The following TOGARAM2 variants were observed in gnomAD, a reference collection of about 807,000 sequenced individuals.
TOGARAM2 encodes TOG array regulator of axonemal microtubules 2, also known as TOG array regulator of axonemal microtubules protein 2.
In TOGARAM2, 85 loss-of-function variants were observed where a neutral mutation model predicts 93.3. The observed-to-expected ratio is 0.91, with a 90% CI of 0.76 to 1.09. The LOEUF is 1.09. TOGARAM2 is among the 50% of genes least tolerant of loss of function. TOGARAM2 has a pLI of 0.00. For synonymous variants in TOGARAM2, 593 were observed against 552.8 expected, an observed-to-expected ratio of 1.07 and a Z score of -1.02; for missense variants, 1,277 against 1,334.5, an observed-to-expected ratio of 0.96 and a Z score of 0.67.
intron 6 of TOGARAM2, among the ~76,000 whole-genome samples, chr2:29,005,834 GTA>G (rs1233435557): frequency 3.8e-5 from 5 of 132,426 alleles, no homozygotes; most frequent in Admixed American, 7.2e-5. Context: ...GTGTGCATGT[GTA>G]TGTGTCAGTG....
chr2:29,035,594 G>T lies in TOGARAM2; in HGVS notation c.2356G>T (p.Val786Leu), dbSNP rs757227797. The change falls in exon 17 of 20, where the codon GTG becomes TTG. Residue 786 changes from valine to leucine, a missense_variant. Coordinates refer to ENST00000379558, the MANE Select transcript of TOGARAM2 (RefSeq NM_199280.4). ...AKDFRSRMEGVGQLLELCKAK... is the reference protein window; with the variant it reads ...AKDFRSRMEGLGQLLELCKAK... ...GGACTTCCGGTCCCGGATGGAAGGCGTGGGGCAGCTCCTGGAGCTCTGCAA... is the reference window on the plus strand; with the variant it reads ...GGACTTCCGGTCCCGGATGGAAGGCTTGGGGCAGCTCCTGGAGCTCTGCAA... 32 of 1,587,632 alleles carry T rather than the reference G, an allele frequency of 2.0e-5. No homozygotes were observed. In the East Asian group the frequency reaches 7.0e-4, roughly 35 times the overall value.
chr2:29,023,610 G>A (rs1665119508), intron 12 of TOGARAM2, among the ~76,000 whole-genome samples: 1 of 152,180 alleles, frequency 6.6e-6, no homozygotes, highest in African/African-American at 2.4e-5. Flanking sequence ...TGTGGAGGCT[G>A]TGCCCTGCCC....
chr2:29,005,956 T>C (rs1204491744), intron 6 of TOGARAM2, among the ~76,000 whole-genome samples: 2 of 138,254 alleles, frequency 1.4e-5, no homozygotes, highest in Non-Finnish European at 1.6e-5. Flanking sequence ...TGTGTGCATA[T>C]GTGTATTTGT....
At chr2:29,047,195 GC>G (rs1188761341) in intron 19 of TOGARAM2, 1 of 152,666 alleles carries the variant, frequency 6.6e-6, no homozygotes, top group Non-Finnish European at 1.5e-5. Flanking sequence ...TGCGAGTGAG[GC>G]AGGGCTGGCT....
chr2:28,968,859 C>A (rs1053855106), intron 1 of TOGARAM2, among the ~76,000 whole-genome samples: 1 of 136,960 alleles, frequency 7.3e-6, no homozygotes, highest in Non-Finnish European at 1.6e-5. Context: ...AAGAAAAAAG[C>A]GCATGCCGAA....
At chr2:28,967,042 A>G (rs1333922144) in intron 1 of TOGARAM2, among the ~76,000 whole-genome samples, 1 of 152,244 alleles carries the variant, frequency 6.6e-6, no homozygotes, top group African/African-American at 2.4e-5. Flanking sequence ...ATTTCATTAG[A>G]AAAAAGGAAA....
intron 1 of TOGARAM2, among the ~76,000 whole-genome samples, chr2:28,973,228 A>G (rs1477984132): frequency 6.6e-6 from 1 of 152,146 alleles, no homozygotes; most frequent in African/African-American, 2.4e-5. Flanking sequence ...CCGAGGCTCT[A>G]TCCAGATGGC....
chr2:28,961,410 C>T (rs1185888365), intron 1 of TOGARAM2, among the ~76,000 whole-genome samples: 2 of 152,214 alleles, frequency 1.3e-5, no homozygotes, highest in South Asian at 2.1e-4. Context: ...AACGCAAACT[C>T]GGCTCACAGC....
At chr2:29,017,401 T>A in intron 9 of TOGARAM2, 97 bp downstream of exon 9, 1 of 1,141,262 alleles carries the variant, frequency 8.8e-7, no homozygotes, top group Non-Finnish European at 1.2e-6. Flanking sequence ...TTAAAATTTT[T>A]ATTAGTATTT....
At chr2:28,979,846 C>T (rs570445801), upstream of TOGARAM2, among the ~76,000 whole-genome samples, 6 of 152,260 alleles carry the variant, frequency 3.9e-5, no homozygotes, top group East Asian at 1.9e-4. Flanking sequence ...CTAGAAGCTC[C>T]GACTCAAGCA....
At chr2:28,996,799 C>CAAAAAA (rs1170607481) in intron 2 of TOGARAM2, among the ~76,000 whole-genome samples, 21 of 40,662 alleles carry the variant, frequency 5.2e-4, no homozygotes, top group East Asian at 9.6e-4. Context: ...GACTCCATCT[C>CAAAAAA]AAAAAAAAAA....
chr2:29,011,272 C>T (rs1390252480), intron 6 of TOGARAM2, among the ~76,000 whole-genome samples, 183 bp from the exon 7 acceptor site: 1 of 152,212 alleles, frequency 6.6e-6, no homozygotes, highest in Non-Finnish European at 1.5e-5. Flanking sequence ...CTTGTGTTTG[C>T]AGAGGGAGCT....
intron 1 of TOGARAM2, among the ~76,000 whole-genome samples, chr2:28,972,846 G>T (rs1198741012): frequency 6.6e-6 from 1 of 152,184 alleles, no homozygotes; most frequent in Non-Finnish European, 1.5e-5. Context: ...TGCTTCCTAT[G>T]AAACATCCTG....
At chr2:29,015,910 C>T (rs1664539831) in intron 8 of TOGARAM2, among the ~76,000 whole-genome samples, 1 of 152,156 alleles carries the variant, frequency 6.6e-6, no homozygotes, top group Non-Finnish European at 1.5e-5. Flanking sequence ...TTATACTGAC[C>T]CGCTAGGTCC....
At position 29,052,108 on chromosome 2, in the gene TOGARAM2, T is replaced by C. The variant is rs1243266550; in HGVS notation, c.*15T>C. 3.9e-6 allele frequency: 6 copies of C among 1,522,738 alleles called. No homozygotes were observed. In the South Asian group the frequency reaches 5.3e-5, roughly 13 times the overall value. The allele number at this position is 1,522,738 out of a possible 1,614,324, so 94.3% of individuals were successfully genotyped here. On this transcript the variant is annotated 3_prime_UTR_variant, in exon 20 of 20. Transcript: ENST00000379558. ...AGCTGGATTAAAGATGGATCTGAAATGGGCAATTATTATTTATCTTATTTT... is the reference window on the plus strand; with the variant it reads ...AGCTGGATTAAAGATGGATCTGAAACGGGCAATTATTATTTATCTTATTTT...
intron 1 of TOGARAM2, among the ~76,000 whole-genome samples, chr2:28,957,249 G>A (rs6724450): frequency 0.16 from 24,516 of 151,976 alleles, 3,418 homozygotes; most frequent in East Asian, 0.67. Flanking sequence ...AGTATGGAGT[G>A]TAGTGGCGTG....
chr2:29,028,806 G>A (rs1376421626), intron 14 of TOGARAM2, among the ~76,000 whole-genome samples: 6 of 152,144 alleles, frequency 3.9e-5, no homozygotes, highest in Non-Finnish European at 8.8e-5. Context: ...AGGTGGTAAG[G>A]GTTTCAAAGA....
intron 1 of TOGARAM2, among the ~76,000 whole-genome samples, chr2:28,985,820 GA>G (rs759302621): frequency 6.6e-6 from 1 of 152,178 alleles, no homozygotes; most frequent in Non-Finnish European, 1.5e-5. Flanking sequence ...GGACTTTGGA[GA>G]AGATGTAGTG....
chr2:29,025,332 C>G (rs969357341), intron 13 of TOGARAM2, among the ~76,000 whole-genome samples: 2 of 152,162 alleles, frequency 1.3e-5, no homozygotes, highest in Non-Finnish European at 2.9e-5. Context: ...GGTGCCTGCC[C>G]ATTCCTGACA....
Sources: gnomAD v4.1 joint callset for allele counts (sites outside exome capture counted in the v4.1 genomes callset) on GRCh38, gnomAD v4.1.1 for gene constraint, MANE v1.5 for transcripts, NCBI Gene and HGNC (gene_info 2026-07-23, HGNC 2026-07-21) for gene names.